ATP10A: variants seen among roughly 807,000 people sequenced by gnomAD.
ATP10A encodes the protein ATPase phospholipid transporting 10A (putative), also known as phospholipid-transporting ATPase VA.
Under a neutral mutation model 147.8 loss-of-function variants are expected in ATP10A, and 111 were observed. The ratio of observed to expected loss-of-function variants is 0.75; its 90% confidence interval spans 0.64 to 0.88. The LOEUF (loss-of-function observed/expected upper bound fraction) is 0.88, where lower values mean the gene tolerates loss of function less well. ATP10A is among the 40% of genes least tolerant of loss of function. The pLI is 0.00. For synonymous variants in ATP10A, 875 were observed against 841.6 expected (o/e 1.04, Z -0.69); for missense variants, 1,927 against 1,959.0 (o/e 0.98, Z 0.31).
At chr15:25,768,983 G>A (rs1467663361) in intron 2 of ATP10A, among the ~76,000 whole-genome samples, 1 of 152,080 alleles carries the variant, frequency 6.6e-6, no homozygotes, top group Admixed American at 6.6e-5. Context: ...GTTTAGTTAA[G>A]GGTTGAAAGG....
intron 2 of ATP10A, among the ~76,000 whole-genome samples, chr15:25,778,838 G>A (rs1445848401): frequency 6.6e-6 from 1 of 152,092 alleles, no homozygotes; most frequent in Non-Finnish European, 1.5e-5. Flanking sequence ...ATACGACTGG[G>A]TTCAGAAGTT....
At chr15:25,739,454 A>C (rs563467979) in intron 2 of ATP10A, among the ~76,000 whole-genome samples, 1 of 152,196 alleles carries the variant, frequency 6.6e-6, no homozygotes, top group South Asian at 2.1e-4. Flanking sequence ...TAAATATGAG[A>C]CTTTTGGCAA....
chr15:25,708,569 C>T (rs1417635348), intron 10 of ATP10A: 2 of 404,394 alleles, frequency 4.9e-6, no homozygotes, highest in African/African-American at 4.1e-5. Context: ...CATCCACCCG[C>T]CTCGGCCTCC....
At chr15:25,699,505 G>A (rs1233272503) in intron 13 of ATP10A, among the ~76,000 whole-genome samples, 1 of 152,034 alleles carries the variant, frequency 6.6e-6, no homozygotes, top group Non-Finnish European at 1.5e-5. Context: ...ATAAAACACA[G>A]GAGAAAATAT....
intron 3 of ATP10A, among the ~76,000 whole-genome samples, chr15:25,732,623 C>G (rs1441184607): frequency 9.9e-4 from 14 of 14,132 alleles, no homozygotes; most frequent in African/African-American, 1.5e-3. Context: ...TGGTGTGATT[C>G]TGGCTCACTG....
chr15:25,685,386 C>T (rs1899655954), intron 16 of ATP10A, among the ~76,000 whole-genome samples: 1 of 152,160 alleles, frequency 6.6e-6, no homozygotes, highest in Non-Finnish European at 1.5e-5. Flanking sequence ...GAGGCTGTGC[C>T]CGTTCCAGGT....
chr15:25,675,401 G>A (rs1899116468), downstream of ATP10A, among the ~76,000 whole-genome samples: 5 of 152,208 alleles, frequency 3.3e-5, no homozygotes, highest in Admixed American at 2.6e-4. Context: ...AACATGAGAA[G>A]GGATTCATTC....
rs752986484 is a variant in ATP10A, at chr15:25,713,991, T to C, written c.2027A>G (p.Asn676Ser). 5 of 1,609,896 alleles carry C rather than the reference T, an allele frequency of 3.1e-6. No individual in the cohort carries two copies. Among genetic ancestry groups the C allele is most frequent in the South Asian group, 1.1e-5 (1 of 91,066 alleles). ...CTCCTGAGCAAGCTCCGAGGCCCAG[T>C]TGTCCGCCTGGCTGCTGTAGCCGTT... Reference protein sequence around the residue: ...ASNGYSSQADNWASELAQEQE... With the variant: ...ASNGYSSQADSWASELAQEQE... Residue 676 changes from asparagine (N) to serine (S), a missense_variant, in exon 10 of 21, where the codon AAC becomes AGC. By Grantham distance (46) the Asn-to-Ser change is conservative. Coordinates refer to ENST00000555815, the MANE Select transcript of ATP10A (RefSeq NM_024490.4).
intron 1 of ATP10A, among the ~76,000 whole-genome samples, chr15:25,794,464 G>A (rs2140756505): frequency 6.6e-6 from 1 of 152,278 alleles, no homozygotes; most frequent in Admixed American, 6.5e-5. Flanking sequence ...GGGCTACAGA[G>A]TATGATCAGT....
In ATP10A at chr15:25,713,678, A is replaced by G; in HGVS notation, c.2340T>C (p.Ser780=). 1 of 1,613,674 alleles carries G rather than the reference A, an allele frequency of 6.2e-7. No homozygotes were observed. Among genetic ancestry groups the G allele is most frequent in the Non-Finnish European group, 8.5e-7 (1 of 1,179,826 alleles). Reference sequence around the variant, plus strand: ...GCTGGGCAGGGGTGGGAGTACCTGAAGAGCAGGGCTGCAGGAGATCCATGA... The same window carrying G: ...GCTGGGCAGGGGTGGGAGTACCTGAGGAGCAGGGCTGCAGGAGATCCATGA... The part of the protein sequence containing the change: ...SVVMDLLQPC[S]SVDARGRHQK... The change falls in exon 10 of 21, where the codon TCT becomes TCC. Residue 780 remains serine (S), a synonymous_variant. Transcript: ENST00000555815.
intron 15 of ATP10A, among the ~76,000 whole-genome samples, chr15:25,689,543 G>T (rs1361848366): frequency 6.6e-6 from 1 of 152,176 alleles, no homozygotes; most frequent in Non-Finnish European, 1.5e-5. Flanking sequence ...ATCTCTCAAA[G>T]GGCTCAGCAG....
At position 25,714,097 on chromosome 15, in the gene ATP10A, A is replaced by T; in HGVS notation, c.1921T>A (p.Phe641Ile). 6.2e-7 allele frequency: 1 copy of T among 1,613,402 alleles called. No individual in the cohort carries two copies. The highest frequency in any genetic ancestry group is 8.5e-7 in the Non-Finnish European group (1 of 1,180,018). ...NKSSHKLGSS[F>I]PSTPSSDGML... ...CCGTCGCTGGACGGGGTGGACGGGAAGCTGGAGCCCAACTTGTGGCTGGAC... is the reference window on the plus strand; with the variant it reads ...CCGTCGCTGGACGGGGTGGACGGGATGCTGGAGCCCAACTTGTGGCTGGAC... The change falls in exon 10 of 21, where the codon TTC (phenylalanine) becomes ATC (isoleucine). Residue 641 changes from phenylalanine to isoleucine, a missense_variant. Transcript: ENST00000555815.
At chr15:25,683,712 G>A (rs1246929204) in intron 16 of ATP10A, 9 of 563,626 alleles carry the variant, frequency 1.6e-5, no homozygotes, top group Non-Finnish European at 2.5e-5. Context: ...AGAAGAACTG[G>A]CAGTGGGAAT....
Position 25,746,744 on chromosome 15 carries a change from G to T in ATP10A, c.655-10603C>A, listed in dbSNP as rs61438637. Among the ~76,000 whole-genome samples the T allele has an allele frequency of 4.7e-4, 71 of 152,172 alleles. 1 individual carries two copies. Among genetic ancestry groups the T allele is most frequent in the African/African-American group, 1.7e-3 (70 of 41,522 alleles). ...CAATTAGTCAAAGAAAAGAAGTCAC[G>T]AGAGAAATTAAGAAAAATATTTTTG... On this transcript the variant is annotated intron_variant, in intron 2 of 20. Transcript: ENST00000555815.
At position 25,716,813 on chromosome 15, in the gene ATP10A, G is replaced by A. The variant is rs1011493138; in HGVS notation, c.1693C>T (p.Leu565=). 1 of 1,610,974 alleles carries A rather than the reference G, an allele frequency of 6.2e-7. No homozygotes were observed. Among genetic ancestry groups the A allele is most frequent in the Admixed American group, 1.7e-5 (1 of 59,544 alleles). ...EHLLAHLSPE[L]SDVFDFFIAL... is the part of the protein sequence containing the mutation. Reference sequence around the variant, plus strand: ...ATGAAGAAATCAAAGACGTCAGACAGCTCAGGCGAGAGGTGGGCCAGCAGG... The same window carrying A: ...ATGAAGAAATCAAAGACGTCAGACAACTCAGGCGAGAGGTGGGCCAGCAGG... The change falls in exon 9 of 21, where the codon CTG becomes TTG. Residue 565 remains leucine, a synonymous_variant. Coordinates refer to ENST00000555815, the MANE Select transcript of ATP10A (RefSeq NM_024490.4).
At chr15:25,759,953 C>T (rs1273197198) in intron 2 of ATP10A, among the ~76,000 whole-genome samples, 1 of 149,590 alleles carries the variant, frequency 6.7e-6, no homozygotes, top group Non-Finnish European at 1.5e-5. Flanking sequence ...ATCTGTGTTC[C>T]TATCTGATCA....
intron 3 of ATP10A, among the ~76,000 whole-genome samples, chr15:25,732,979 G>T (rs1887035224): frequency 6.6e-6 from 1 of 152,130 alleles, no homozygotes; most frequent in African/African-American, 2.4e-5. Context: ...GGCTCAGAAA[G>T]GCAGAATAAC....
chr15:25,788,816 T>C (rs1021805312), intron 1 of ATP10A, among the ~76,000 whole-genome samples: 3 of 152,220 alleles, frequency 2.0e-5, no homozygotes, highest in African/African-American at 7.2e-5. Flanking sequence ...GTGTTTAGTA[T>C]CATTCTGTAT....
intron 17 of ATP10A, 61 bp from the exon 18 acceptor site, chr15:25,681,135 G>A: frequency 6.5e-7 from 1 of 1,528,916 alleles, no homozygotes. Flanking sequence ...TGTGAAAGCA[G>A]TTAGAATAAA....
Sources: allele counts gnomAD v4.1 joint callset (sites outside exome capture counted in the v4.1 genomes callset), GRCh38; gene constraint gnomAD v4.1.1; transcripts MANE v1.5; gene names NCBI Gene and HGNC (gene_info 2026-07-23, HGNC 2026-07-21).